Variants in EGFR observed in about 807,000 individuals in gnomAD.
The protein encoded by EGFR is epidermal growth factor receptor.
In EGFR, 58 loss-of-function variants were observed where a neutral mutation model predicts 143.0. The ratio of observed to expected loss-of-function variants is 0.41; its 90% CI spans 0.33 to 0.50. EGFR has a LOEUF of 0.50. EGFR is among the 20% of genes least tolerant of loss of function. The probability of loss-of-function intolerance (pLI) is 0.39; values close to 1 mark genes in which losing one functional copy is unlikely to be tolerated. For synonymous variants in EGFR, 613 were observed against 594.4 expected, an observed-to-expected ratio of 1.03 and a Z score of -0.45; for missense variants, 1,307 against 1,579.0, an observed-to-expected ratio of 0.83 and a Z score of 2.92.
chr7:55,201,117 T>TG, intron 24 of EGFR, 71 bp from the exon 25 acceptor site: 1 of 1,597,836 alleles, frequency 6.3e-7, no homozygotes, highest in Non-Finnish European at 8.6e-7. Context: ...AATAGACCCC[T>TG]GCTCCTATAG....
intron 1 of EGFR, among the ~76,000 whole-genome samples, chr7:55,058,131 C>T (rs1278297922): frequency 2.0e-5 from 3 of 152,240 alleles, no homozygotes; most frequent in Non-Finnish European, 4.4e-5. Flanking sequence ...CACAGTGGCT[C>T]ACGCCTGTAA....
intron 12 of EGFR, 103 bp from the exon 13 acceptor site, chr7:55,161,396 A>C (rs537828797): frequency 6.8e-7 from 1 of 1,464,202 alleles, no homozygotes; most frequent in South Asian, 1.4e-5. Flanking sequence ...TGTGTCACCC[A>C]AGGTCATGGA....
At chr7:55,065,623 A>G (rs1245350470) in intron 1 of EGFR, among the ~76,000 whole-genome samples, 1 of 152,236 alleles carries the variant, frequency 6.6e-6, no homozygotes, top group Non-Finnish European at 1.5e-5. Flanking sequence ...ACAGTGAATC[A>G]TGTTGTAAAC....
intron 1 of EGFR, among the ~76,000 whole-genome samples, chr7:55,022,741 T>A (rs937895837): frequency 6.6e-6 from 1 of 152,210 alleles, no homozygotes; most frequent in Non-Finnish European, 1.5e-5. Context: ...AGAGCTCCAA[T>A]AGGCTTTTAA....
intron 1 of EGFR, among the ~76,000 whole-genome samples, chr7:55,131,036 G>C (rs554422089): frequency 6.6e-6 from 1 of 152,336 alleles, no homozygotes; most frequent in African/African-American, 2.4e-5. Context: ...GTCTGACTAA[G>C]GGGCCAGGTG....
chr7:55,063,567 C>T (rs1313512127), intron 1 of EGFR, among the ~76,000 whole-genome samples: 2 of 152,342 alleles, frequency 1.3e-5, no homozygotes. Flanking sequence ...TCTCGCAAAG[C>T]ATTTTACCAT....
intron 1 of EGFR, among the ~76,000 whole-genome samples, chr7:55,059,329 A>G (rs1012694888): frequency 3.3e-5 from 5 of 152,226 alleles, no homozygotes; most frequent in African/African-American, 1.2e-4. Context: ...TTTTAGGCTT[A>G]CAGAAAAATT....
chr7:55,178,303 G>A (rs530054243), intron 19 of EGFR, among the ~76,000 whole-genome samples: 5 of 152,342 alleles, frequency 3.3e-5, no homozygotes, highest in South Asian at 4.1e-4. Context: ...ATCCCATGGC[G>A]TATTAAATTT....
chr7:55,144,502 A>C (rs1309182972), intron 3 of EGFR, among the ~76,000 whole-genome samples: 1 of 152,158 alleles, frequency 6.6e-6, no homozygotes, highest in East Asian at 1.9e-4. Context: ...GGGTGTGATG[A>C]AAGGGGTGCC....
At chr7:55,103,711 A>G (rs1173819423) in intron 1 of EGFR, among the ~76,000 whole-genome samples, 1 of 152,224 alleles carries the variant, frequency 6.6e-6, no homozygotes, top group Non-Finnish European at 1.5e-5. Flanking sequence ...TTCAAACATA[A>G]GAGTCTGTAG....
intron 1 of EGFR, among the ~76,000 whole-genome samples, chr7:55,116,797 G>C (rs1792876396): frequency 6.6e-6 from 1 of 152,216 alleles, no homozygotes; most frequent in Non-Finnish European, 1.5e-5. Flanking sequence ...TCAACATTAT[G>C]TGTTGATATT....
Position 55,173,903 on chromosome 7 carries a change from T to G in EGFR, c.2062-18T>G, listed in dbSNP as rs1490857236. On this transcript the variant is annotated intron_variant, in intron 17 of 27. Transcript: ENST00000275493. ...AGGGCTGAGGTGACCCTTGTCTCTGTGTTCTTGTCCCCCCCAGCTTGTGGA... is the reference window on the plus strand; with the variant it reads ...AGGGCTGAGGTGACCCTTGTCTCTGGGTTCTTGTCCCCCCCAGCTTGTGGA... 1 of 1,614,224 alleles carries G rather than the reference T, an allele frequency of 6.2e-7. No homozygotes were observed. Among genetic ancestry groups the G allele is most frequent in the Non-Finnish European group, 8.5e-7 (1 of 1,180,028 alleles).
Position 55,202,673 on chromosome 7 carries a change from CA to C in EGFR, c.3271+49del, listed in dbSNP as rs17337514. 254 of 1,534,216 alleles carry C rather than the reference CA, an allele frequency of 1.7e-4. No individual in the cohort carries two copies. The highest frequency in any genetic ancestry group is 1.9e-4 in the Non-Finnish European group (212 of 1,126,188). On this transcript the variant is annotated intron_variant, in intron 27 of 27. Transcript: ENST00000275493. The stretch of plus-strand genomic sequence containing the variant: ...GTCCTGCTCCTCAACCTCCTCGACC[CA>C]CTCAGCAGCAGCCAGTCTCCAGTGT...
chr7:55,056,156 C>G (rs1288758270), intron 1 of EGFR, among the ~76,000 whole-genome samples: 1 of 152,100 alleles, frequency 6.6e-6, no homozygotes, highest in Non-Finnish European at 1.5e-5. Flanking sequence ...TGAAAGGCCT[C>G]TTATGATTCT....
rs772130986 is a variant in EGFR at position 55,152,655 on chromosome 7, C to A, written c.738C>A (p.Ser246Arg). The A allele has an allele frequency of 1.2e-6, 2 of 1,613,414 alleles. No individual in the cohort carries two copies. The highest frequency in any genetic ancestry group is 1.7e-6 in the Non-Finnish European group (2 of 1,179,872). Residue 246 changes from serine to arginine, a missense_variant, in exon 6 of 28, where the codon AGC (serine) becomes AGA (arginine). Coordinates refer to ENST00000275493, the MANE Select transcript of EGFR (RefSeq NM_005228.5). ...CAGGCTGCACAGGCCCCCGGGAGAG[C>A]GACTGCCTGGTAAGATGCCCCTCCA... ...CAAGCTGPRE[S>R]DCLVCRKFRD... is the part of the protein sequence containing the mutation.
chr7:55,093,165 G>T (rs921934784), intron 1 of EGFR, among the ~76,000 whole-genome samples: 2 of 152,174 alleles, frequency 1.3e-5, no homozygotes, highest in East Asian at 1.9e-4. Context: ...TCAGGGGTCC[G>T]CTGGGTTCCT....
chr7:55,176,612 A>G (rs940309907), intron 19 of EGFR, among the ~76,000 whole-genome samples: 6 of 151,970 alleles, frequency 3.9e-5, no homozygotes, highest in African/African-American at 1.2e-4. Flanking sequence ...CCAGCCACTC[A>G]GGAGATGGGA....
chr7:55,153,540 G>C (rs1326510732), intron 6 of EGFR, among the ~76,000 whole-genome samples: 1 of 152,188 alleles, frequency 6.6e-6, no homozygotes, highest in Non-Finnish European at 1.5e-5. Flanking sequence ...GCGTGGGGTT[G>C]GTCCTAGGAA....
chr7:55,088,207 G>A (rs924335677), intron 1 of EGFR, among the ~76,000 whole-genome samples: 5 of 152,212 alleles, frequency 3.3e-5, no homozygotes, highest in African/African-American at 9.7e-5. Context: ...AGTGTGAGAA[G>A]CAGCCATGTT....
Sources: gnomAD v4.1 joint callset for allele counts (sites outside exome capture counted in the v4.1 genomes callset) on GRCh38, gnomAD v4.1.1 for gene constraint, MANE v1.5 for transcripts, NCBI Gene and HGNC (gene_info 2026-07-23, HGNC 2026-07-21) for gene names.